Variants in GPC6 observed in about 807,000 individuals in gnomAD.
GPC6 encodes glypican-6.
In GPC6, 14 loss-of-function variants were observed where a neutral mutation model predicts 55.2. That is an observed-to-expected ratio of 0.25 (90% CI 0.17 to 0.40). The LOEUF (loss-of-function observed/expected upper bound fraction) is 0.40. GPC6 is among the 10% of genes least tolerant of loss of function. The pLI, the probability that GPC6 is intolerant of heterozygous loss-of-function variation, is 1.00. For synonymous variants in GPC6, 278 were observed against 259.6 expected (o/e 1.07, Z -0.68); for missense variants, 641 against 708.5 (o/e 0.90, Z 1.08).
At chr13:94,153,016 T>A (rs1887798838) in intron 4 of GPC6, among the ~76,000 whole-genome samples, 1 of 152,158 alleles carries the variant, frequency 6.6e-6, no homozygotes, top group Admixed American at 6.6e-5. Flanking sequence ...ATGATTGATA[T>A]TACAAAGGAT....
At position 93,266,370 on chromosome 13, in the gene GPC6, C is replaced by A. The variant is rs115272546; in HGVS notation, c.160+38754C>A. ...TAATATTCATGGTGGTAGCTCATGA[C>A]CTTAACAGGACAAAGGTCATCAAAT... On this transcript the variant is annotated intron_variant, in intron 1 of 8. Transcript: ENST00000377047. Among the ~76,000 whole-genome samples the A allele has an allele frequency of 7.3e-3, 1,107 of 152,132 alleles. 14 individuals carry two copies. Among genetic ancestry groups the A allele is most frequent in the African/African-American group, 0.025 (1,049 of 41,496 alleles).
chr13:93,456,733 G>T lies in GPC6; in HGVS notation c.161-88530G>T, dbSNP rs559374652. 5.3e-5 allele frequency among the ~76,000 whole-genome samples: 8 copies of T among 152,192 alleles called. No individual in the cohort carries two copies. In the South Asian group the frequency reaches 1.7e-3, roughly 32 times the overall value. Reference sequence around the variant, plus strand: ...AATAAGGAATAAGGGTGTCAGCAGGGTTCCCTTTTAGGGCTGTGATCTGTT... The same window carrying T: ...AATAAGGAATAAGGGTGTCAGCAGGTTTCCCTTTTAGGGCTGTGATCTGTT... On this transcript the variant is annotated intron_variant, in intron 1 of 8. Coordinates refer to ENST00000377047, the MANE Select transcript of GPC6 (RefSeq NM_005708.5).
chr13:93,574,155 A>T (rs1210616098), intron 2 of GPC6, among the ~76,000 whole-genome samples: 1 of 152,168 alleles, frequency 6.6e-6, no homozygotes, highest in African/African-American at 2.4e-5. Flanking sequence ...GTCTCCCAAA[A>T]AGGTATGTTA....
chr13:93,825,122 A>G (rs1252173754), intron 2 of GPC6, among the ~76,000 whole-genome samples: 1 of 152,150 alleles, frequency 6.6e-6, no homozygotes, highest in Non-Finnish European at 1.5e-5. Flanking sequence ...TATCAGTAGA[A>G]GGGTGGCTCT....
At chr13:94,036,975 G>A (rs1459472526) in intron 4 of GPC6, among the ~76,000 whole-genome samples, 2 of 151,894 alleles carry the variant, frequency 1.3e-5, no homozygotes, top group African/African-American at 4.8e-5. Flanking sequence ...GATCAGTTTC[G>A]TCTTTAAAAT....
chr13:93,251,266 C>G (rs1876777804), intron 1 of GPC6, among the ~76,000 whole-genome samples: 1 of 152,128 alleles, frequency 6.6e-6, no homozygotes, highest in Non-Finnish European at 1.5e-5. Context: ...TTTGCTATCT[C>G]TTTCTCTTTC....
intron 4 of GPC6, among the ~76,000 whole-genome samples, chr13:94,199,079 A>G (rs1488754052): frequency 6.6e-6 from 1 of 152,232 alleles, no homozygotes; most frequent in Non-Finnish European, 1.5e-5. Flanking sequence ...CTCATTTGCC[A>G]CATGCTTGTT....
rs370395931 is a variant in GPC6, at chr13:94,251,248, G to C, written c.878-35101G>C. 1.6e-4 allele frequency among the ~76,000 whole-genome samples: 23 copies of C among 147,414 alleles called. 1 individual carries two copies. The highest frequency in any genetic ancestry group is 5.8e-4 in the African/African-American group (23 of 39,460). On this transcript the variant is annotated intron_variant, in intron 4 of 8. Transcript: ENST00000377047. ...ATGTTCTCATTCATAAGTGGGAGTT[G>C]AACAATTAGAGCACATGGATATAAG...
intron 3 of GPC6, among the ~76,000 whole-genome samples, chr13:93,940,654 T>A (rs1444512908): frequency 6.6e-6 from 1 of 152,142 alleles, no homozygotes; most frequent in Non-Finnish European, 1.5e-5. Context: ...TCCTGTAAAA[T>A]CCTTGATTTG....
At chr13:93,394,363 G>A (rs1444344659) in intron 1 of GPC6, among the ~76,000 whole-genome samples, 1 of 152,150 alleles carries the variant, frequency 6.6e-6, no homozygotes, top group Admixed American at 6.5e-5. Flanking sequence ...ACATATTATA[G>A]TAAGTATTCA....
intron 3 of GPC6, among the ~76,000 whole-genome samples, chr13:93,920,545 T>C (rs894100981): frequency 6.6e-6 from 1 of 152,238 alleles, no homozygotes; most frequent in African/African-American, 2.4e-5. Flanking sequence ...CTCTTCTTTC[T>C]GAATTTGGAT....
At chr13:93,781,153 G>A (rs963485915) in intron 2 of GPC6, among the ~76,000 whole-genome samples, 1 of 151,838 alleles carries the variant, frequency 6.6e-6, no homozygotes, top group African/African-American at 2.4e-5. Context: ...GCAAGTGCCT[G>A]TAGTCCCAAC....
In GPC6 at chr13:94,324,807, A is replaced by G. The variant is rs1002874641; in HGVS notation, c.1152+18684A>G. 2.6e-5 allele frequency among the ~76,000 whole-genome samples: 4 copies of G among 152,104 alleles called. No individual in the cohort carries two copies. In the South Asian group the frequency reaches 6.2e-4, roughly 24 times the overall value. Reference sequence around the variant, plus strand: ...TGAAGCAGAATCTGTGTGGCAGCCTATAGTCGTTCACCAAATACTAATAAG... The same window carrying G: ...TGAAGCAGAATCTGTGTGGCAGCCTGTAGTCGTTCACCAAATACTAATAAG... On this transcript the variant is annotated intron_variant, in intron 6 of 8. Transcript: ENST00000377047.
At position 93,433,791 on chromosome 13, in the gene GPC6, G is replaced by C. The variant is rs111902496; in HGVS notation, c.161-111472G>C. The stretch of plus-strand genomic sequence containing the variant: ...GGAGGAAAACCGTAATCATAACATA[G>C]TCTTTGCCTTACCAATACATAGCAG... On this transcript the variant is annotated intron_variant, in intron 1 of 8. Coordinates refer to ENST00000377047, the MANE Select transcript of GPC6 (RefSeq NM_005708.5). 4.0e-3 allele frequency among the ~76,000 whole-genome samples: 616 copies of C among 152,218 alleles called. 4 individuals are homozygous for C. The highest frequency in any genetic ancestry group is 0.014 in the African/African-American group (599 of 41,526).
intron 2 of GPC6, among the ~76,000 whole-genome samples, chr13:93,745,965 A>G (rs1884383245): frequency 6.6e-6 from 1 of 152,228 alleles, no homozygotes; most frequent in African/African-American, 2.4e-5. Context: ...AGTGATAATG[A>G]AATTGTCAGC....
chr13:93,693,601 C>T (rs1397818322), intron 2 of GPC6, among the ~76,000 whole-genome samples: 1 of 151,988 alleles, frequency 6.6e-6, no homozygotes, highest in African/African-American at 2.4e-5. Context: ...ACCTCAGCCT[C>T]CTGAGCAGCT....
chr13:93,488,416 G>A (rs1879817087), intron 1 of GPC6, among the ~76,000 whole-genome samples: 1 of 152,176 alleles, frequency 6.6e-6, no homozygotes, highest in Admixed American at 6.5e-5. Flanking sequence ...TGTGAATAGT[G>A]CTGCAATAAA....
At chr13:93,572,447 T>C (rs1317781465) in intron 2 of GPC6, among the ~76,000 whole-genome samples, 1 of 152,076 alleles carries the variant, frequency 6.6e-6, no homozygotes, top group Non-Finnish European at 1.5e-5. Flanking sequence ...CACAGGTAGC[T>C]TGTTAGAAGT....
chr13:94,081,844 C>CTTTTTTTTTTTTTTTTTTTT lies in GPC6; in HGVS notation c.877+53964_877+53965insTTTTTTTTTTTTTTTTTTTT, dbSNP rs201141414. On this transcript the variant is annotated intron_variant, in intron 4 of 8. Coordinates refer to ENST00000377047, the MANE Select transcript of GPC6 (RefSeq NM_005708.5). ...CATGTCTATGCCTTCTACTACTTTC[C>CTTTTTTTTTTTTTTTTTTTT]TTTTTTTTTTTTTTGAGACACAGTC... 2.7e-4 allele frequency among the ~76,000 whole-genome samples: 36 copies of CTTTTTTTTTTTTTTTTTTTT among 133,000 alleles called. 3 individuals are homozygous for CTTTTTTTTTTTTTTTTTTTT. The highest frequency in any genetic ancestry group is 9.3e-4 in the African/African-American group (33 of 35,546). The allele number at this position is 133,000 out of a possible 152,430, so 87.3% of individuals were successfully genotyped here.
Sources: allele counts gnomAD v4.1 joint callset (sites outside exome capture counted in the v4.1 genomes callset), GRCh38; gene constraint gnomAD v4.1.1; transcripts MANE v1.5; gene names NCBI Gene and HGNC (gene_info 2026-07-23, HGNC 2026-07-21).